TTN: variants seen among roughly 807,000 people sequenced by gnomAD.
TTN encodes titin, also known as connectin.
Under a neutral mutation model 3,223.0 loss-of-function variants are expected in TTN, and 1,525 were observed. That is an observed-to-expected ratio of 0.47 (90% CI 0.45 to 0.49). The LOEUF (loss-of-function observed/expected upper bound fraction) is 0.49, where lower values mean the gene tolerates loss of function less well. Among genes scored for constraint, TTN ranks in the 20% least tolerant of loss-of-function variants. The pLI is 0.00. For missense variants in TTN, 40,786 were observed against 43,424.0 expected, an observed-to-expected ratio of 0.94 and a Z score of 5.40; for synonymous variants, 14,094 against 15,161.0, an observed-to-expected ratio of 0.93 and a Z score of 5.17.
intron 316 of TTN, chr2:178,580,871 G>A: frequency 2.4e-6 from 1 of 412,864 alleles, no homozygotes. Context: ...TATGTACTCT[G>A]AAATGCTACA....
rs1237825337 is a variant in TTN at position 178,722,332 on chromosome 2, G to A, written c.22455C>T (p.His7485=). Residue 7485 remains histidine, a synonymous_variant, in exon 77 of 363, where the codon CAC becomes CAT. Transcript: ENST00000589042. ...TLKILQTDLS[H]SGQYSCSASN... is the part of the protein sequence containing the mutation. ...AAGCTGAGCAAGAGTACTGGCCAGA[G>A]TGACTCAAGTCAGTTTGCAAAATTT... 6.2e-7 allele frequency: 1 copy of A among 1,613,160 alleles called. No individual in the cohort carries two copies.
At position 178,594,159 on chromosome 2, in the gene TTN, C is replaced by T; in HGVS notation, c.58234G>A (p.Gly19412Ser). ...CAGGAAACCTTAGGCTTTGGTTTGC[C>T]TGAGTAACGGCCAGTGAGGGCAAAA... is the stretch of plus-strand genomic sequence containing the variant. ...EAFALTGRYS[G>S]KPKPKVSWFK... is the part of the protein sequence containing the mutation. Residue 19412 changes from glycine to serine, a missense_variant, in exon 297 of 363, where the codon GGC becomes AGC. Gly to Ser is a moderately conservative substitution (Grantham distance 56). Transcript: ENST00000589042. 3 of 1,613,350 alleles carry T rather than the reference C, an allele frequency of 1.9e-6. No homozygotes were observed. The highest frequency in any genetic ancestry group is 2.5e-6 in the Non-Finnish European group (3 of 1,179,602).
In TTN at chr2:178,710,829, G is replaced by A; in HGVS notation, c.28268C>T (p.Thr9423Ile). The change falls in exon 98 of 363, where the codon ACA becomes ATA. Residue 9423 changes from threonine to isoleucine, a missense_variant. Transcript: ENST00000589042. ...GGCCCAGCTGACCTTTATCGGTTGT[G>A]TGCCCGTGACGTGGCACTCAAAGTC... ...SADFECHVTGTQPIKVSWAKD... is the reference protein window; with the variant it reads ...SADFECHVTGIQPIKVSWAKD... 1 of 1,613,866 alleles carries A rather than the reference G, an allele frequency of 6.2e-7. No individual in the cohort carries two copies. Among genetic ancestry groups the A allele is most frequent in the Non-Finnish European group, 8.5e-7 (1 of 1,179,828 alleles).
At chr2:178,628,128 G>T (rs2059310806) in intron 240 of TTN, among the ~76,000 whole-genome samples, 1 of 152,032 alleles carries the variant, frequency 6.6e-6, no homozygotes, top group Non-Finnish European at 1.5e-5. Flanking sequence ...ATAACAGGCA[G>T]GCGTTACCTA....
At position 178,538,970 on chromosome 2, in the gene TTN, G is replaced by C. The variant is rs779521662; in HGVS notation, c.98965C>G (p.Pro32989Ala). 6.2e-7 allele frequency: 1 copy of C among 1,609,686 alleles called. No individual in the cohort carries two copies. The highest frequency in any genetic ancestry group is 1.3e-5 in the African/African-American group (1 of 74,826). ...CCAAATGGATCTTTGCAAACAACTG[G>C]TTCAGAAGCAGGGCTGGTCTCACTC... Reference protein sequence around the residue: ...GLSETSPASEPVVCKDPFDKP... With the variant: ...GLSETSPASEAVVCKDPFDKP... The change falls in exon 353 of 363, where the codon CCA becomes GCA. Residue 32989 changes from proline (P) to alanine (A), a missense_variant. Coordinates refer to ENST00000589042, the MANE Select transcript of TTN (RefSeq NM_001267550.2).
chr2:178,677,914 G>A lies in TTN; in HGVS notation c.33998C>T (p.Pro11333Leu). ...AACTGGAACTGGTTCACGTTTCTTT[G>A]GCACTTTAAAGATATTTATTCAAGG... ...KKVEAPPPKV[P>L]KKREPVPVPV... The change falls in exon 146 of 363, where the codon CCA (proline) becomes CTA (leucine). Residue 11333 changes from proline to leucine, a missense_variant. By Grantham distance (98) the Pro-to-Leu change is moderately conservative. Transcript: ENST00000589042. 6.3e-7 allele frequency: 1 copy of A among 1,593,704 alleles called. No homozygotes were observed. The highest frequency in any genetic ancestry group is 1.2e-5 in the South Asian group (1 of 86,690).
chr2:178,664,206 C>G, intron 168 of TTN, 108 bp from the exon 169 acceptor site: 7 of 1,116,682 alleles, frequency 6.3e-6, no homozygotes, highest in South Asian at 1.6e-5. Context: ...GAGCTGAGAT[C>G]AGTGGTAACA....
chr2:178,768,843 G>T lies in TTN; in HGVS notation c.8993C>A (p.Ser2998Tyr). Residue 2998 changes from serine (S) to tyrosine (Y), a missense_variant, in exon 38 of 363, where the codon TCT becomes TAT. Transcript: ENST00000589042. Reference protein sequence around the residue: ...FEVTVNYEGISYKWLKNGVEI... With the variant: ...FEVTVNYEGIYYKWLKNGVEI... ...CACACCATTCTTTAACCATTTGTAA[G>T]AGATGCCTTCATAGTTCACTGTCAC... 6.2e-7 allele frequency: 1 copy of T among 1,614,040 alleles called. No individual in the cohort carries two copies. Among genetic ancestry groups the T allele is most frequent in the Non-Finnish European group, 8.5e-7 (1 of 1,180,000 alleles).
Position 178,568,083 on chromosome 2 carries a change from T to C in TTN, c.78049A>G (p.Asn26017Asp). 1 of 1,613,446 alleles carries C rather than the reference T, an allele frequency of 6.2e-7. No homozygotes were observed. Among genetic ancestry groups the C allele is most frequent in the South Asian group, 1.1e-5 (1 of 91,070 alleles). Residue 26017 changes from asparagine (N) to aspartate (D), a missense_variant, in exon 326 of 363, where the codon AAT becomes GAT. Physicochemically the swap from Asn to Asp is conservative, Grantham distance 23 (BLOSUM62 1). Transcript: ENST00000589042. ...TAACCTATGACGGGGCTTCCACCATTGTTGACTGGTTCATGCCACTGTATG... is the reference window on the plus strand; with the variant it reads ...TAACCTATGACGGGGCTTCCACCATCGTTGACTGGTTCATGCCACTGTATG... Reference protein sequence around the residue: ...MVIQWHEPVNNGGSPVIGYHL... With the variant: ...MVIQWHEPVNDGGSPVIGYHL...
chr2:178,652,539 G>C lies in TTN; in HGVS notation c.39046C>G (p.Pro13016Ala), dbSNP rs1276178208. 1 of 1,613,346 alleles carries C rather than the reference G, an allele frequency of 6.2e-7. No homozygotes were observed. Among genetic ancestry groups the C allele is most frequent in the Non-Finnish European group, 8.5e-7 (1 of 1,179,576 alleles). Residue 13016 changes from proline (P) to alanine (A), a missense_variant and splice_region_variant, in exon 202 of 363, where the codon CCA (proline) becomes GCA (alanine). Transcript: ENST00000589042. The stretch of plus-strand genomic sequence containing the variant: ...GGAACAACTTCTTTCGGAGCCTCTG[G>C]CACTTAAAAGATATTAGTGAAATTA... ...KKPEVPPVKV[P>A]EAPKEVVPEK... is the part of the protein sequence containing the mutation.
chr2:178,748,521 C>T, intron 47 of TTN: 1 of 1,613,020 alleles, frequency 6.2e-7, no homozygotes, highest in Non-Finnish European at 8.5e-7. Flanking sequence ...AGAGCTGGAT[C>T]TCCTATATGA....
In TTN at chr2:178,717,978, C is replaced by G. The variant is rs1288642142; in HGVS notation, c.25028G>C (p.Gly8343Ala). Residue 8343 changes from glycine to alanine, a missense_variant, in exon 86 of 363, where the codon GGG becomes GCG. Physicochemically the swap from Gly to Ala is moderately conservative, Grantham distance 60 (BLOSUM62 0). Coordinates refer to ENST00000589042, the MANE Select transcript of TTN (RefSeq NM_001267550.2). The stretch of plus-strand genomic sequence containing the variant: ...AAGCACAGCTGAAGAAGCGACTGCC[C>G]CCACACTGTTGTCTGCCTTGCATGA... ...EYSCKADNSV[G>A]AVASSAVLVI... is the part of the protein sequence containing the mutation. 1 of 1,613,524 alleles carries G rather than the reference C, an allele frequency of 6.2e-7. No individual in the cohort carries two copies.
rs747878330 is a variant in TTN at position 178,672,187 on chromosome 2, C to T, written c.35011G>A (p.Val11671Ile). Residue 11671 changes from valine to isoleucine, a missense_variant, in exon 155 of 363, where the codon GTA becomes ATA. Coordinates refer to ENST00000589042, the MANE Select transcript of TTN (RefSeq NM_001267550.2). The part of the protein sequence containing the change: ...VVKERLELEV[V>I]EAEVEEIPEE... ...GGAATTTCTTCCACTTCTGCTTCTA[C>T]TACTTCTAATTCTAGTCTTTCTTTT... 1.3e-6 allele frequency: 2 copies of T among 1,574,934 alleles called. No homozygotes were observed. Among genetic ancestry groups the T allele is most frequent in the Non-Finnish European group, 1.7e-6 (2 of 1,158,504 alleles).
rs1159933027 is a variant in TTN, at chr2:178,536,186, C to G, written c.100561G>C (p.Gly33521Arg). The G allele has an allele frequency of 6.2e-7, 1 of 1,613,492 alleles. No individual in the cohort carries two copies. Among genetic ancestry groups the G allele is most frequent in the South Asian group, 1.1e-5 (1 of 91,036 alleles). ...CATTTGACGATAGGTTTTGGATGAC[C>G]AGTCACTTTGCAGACCAAGGTAGCA... ...SNATLVCKVT[G>R]HPKPIVKWYR... is the part of the protein sequence containing the mutation. The change falls in exon 357 of 363, where the codon GGT (glycine) becomes CGT (arginine). Residue 33521 changes from glycine to arginine, a missense_variant. Transcript: ENST00000589042.
Position 178,721,865 on chromosome 2 carries a change from C to T in TTN, c.22798G>A (p.Ala7600Thr). The change falls in exon 78 of 363, where the codon GCT becomes ACT. Residue 7600 changes from alanine (A) to threonine (T), a missense_variant. Ala to Thr is a moderately conservative substitution (Grantham distance 58, BLOSUM62 0). Coordinates refer to ENST00000589042, the MANE Select transcript of TTN (RefSeq NM_001267550.2). ...ATGATACCTTTTACACTGAGCTGAG[C>T]TGAGCACATGTCTTTGCCAACATCA... is the stretch of plus-strand genomic sequence containing the variant. The part of the protein sequence containing the change: ...TNDVGKDMCS[A>T]QLSVKEPPKF... 6.2e-7 allele frequency: 1 copy of T among 1,610,420 alleles called. No individual in the cohort carries two copies. Among genetic ancestry groups the T allele is most frequent in the Non-Finnish European group, 8.5e-7 (1 of 1,178,116 alleles).
rs773298785 is a variant in TTN, at chr2:178,620,845, A to G, written c.45765T>C (p.Ile15255=). 1 of 1,612,566 alleles carries G rather than the reference A, an allele frequency of 6.2e-7. No individual in the cohort carries two copies. The highest frequency in any genetic ancestry group is 8.5e-7 in the Non-Finnish European group (1 of 1,179,136). The part of the protein sequence containing the change: ...EAIFDSSKYI[I]LQKDLVYTLR... ...GGGTGTAGACTAGGTCTTTTTGGAGAATGATGTATTTTGAACTATCAAATA... is the reference window on the plus strand; with the variant it reads ...GGGTGTAGACTAGGTCTTTTTGGAGGATGATGTATTTTGAACTATCAAATA... Residue 15255 remains isoleucine (I), a synonymous_variant, in exon 247 of 363, where the codon ATT becomes ATC. Coordinates refer to ENST00000589042, the MANE Select transcript of TTN (RefSeq NM_001267550.2).
rs727505284 is a variant in TTN at position 178,565,416 on chromosome 2, G to A, written c.80716C>T (p.Arg26906Ter). The A allele has an allele frequency of 5.0e-6, 8 of 1,613,266 alleles. No individual in the cohort carries two copies. The highest frequency in any genetic ancestry group is 2.2e-5 in the South Asian group (2 of 91,050). ...ACCCAAGAAATGTTAGGTCTTGGTC[G>A]GCCTATAACTGGAATTTCTATTTTA... ...DLKIEIPVIG[R>*]PRPNISWVKD... Residue 26906 changes from arginine to a stop codon, truncating the protein, a stop_gained, in exon 326 of 363, where the codon CGA (arginine) becomes TGA (stop). Coordinates refer to ENST00000589042, the MANE Select transcript of TTN (RefSeq NM_001267550.2). LOFTEE classifies it high-confidence loss of function.
chr2:178,666,275 T>C (rs1260534025), intron 163 of TTN, among the ~76,000 whole-genome samples: 1 of 152,110 alleles, frequency 6.6e-6, no homozygotes, highest in African/African-American at 2.4e-5. Context: ...ATGGGTGTTA[T>C]GATGAAATTA....
intron 288 of TTN, among the ~76,000 whole-genome samples, chr2:178,600,125 T>C (rs1559674970): frequency 1.3e-5 from 2 of 151,948 alleles, no homozygotes; most frequent in East Asian, 1.9e-4. Context: ...TGTATTATTA[T>C]ATTCTCATAT....
Sources: gnomAD v4.1 joint callset for allele counts (sites outside exome capture counted in the v4.1 genomes callset) on GRCh38, gnomAD v4.1.1 for gene constraint, MANE v1.5 for transcripts, NCBI Gene and HGNC (gene_info 2026-07-23, HGNC 2026-07-21) for gene names.